Variants in LNPEP observed in about 807,000 individuals in gnomAD.
LNPEP encodes the protein leucyl-cystinyl aminopeptidase.
A neutral mutation model predicts 120.6 loss-of-function variants in LNPEP; 64 were observed. The observed-to-expected ratio is 0.53, with a 90% confidence interval of 0.43 to 0.65. LNPEP has a LOEUF of 0.65. LNPEP is among the 30% of genes least tolerant of loss of function. LNPEP has a pLI of 0.00. For synonymous variants in LNPEP, 435 were observed against 425.4 expected, an observed-to-expected ratio of 1.02 and a Z score of -0.28; for missense variants, 1,057 against 1,200.0, an observed-to-expected ratio of 0.88 and a Z score of 1.76.
chr5:97,008,700 T>C (rs950943495), intron 11 of LNPEP, among the ~76,000 whole-genome samples: 2 of 137,188 alleles, frequency 1.5e-5, no homozygotes, highest in Non-Finnish European at 3.1e-5. Flanking sequence ...AGTCTCGCTC[T>C]GTTGCCCAGG....
intron 1 of LNPEP, among the ~76,000 whole-genome samples, chr5:96,957,120 G>A (rs1789488186): frequency 1.3e-5 from 2 of 152,146 alleles, no homozygotes; most frequent in South Asian, 4.1e-4. Flanking sequence ...TCTGGTGATT[G>A]CGTTTTCCAT....
chr5:97,018,363 CT>C (rs1791114573), intron 13 of LNPEP, among the ~76,000 whole-genome samples: 1 of 152,016 alleles, frequency 6.6e-6, no homozygotes, highest in Non-Finnish European at 1.5e-5. Flanking sequence ...ATACTTACCT[CT>C]TCTTTGAACT....
chr5:96,940,514 AGTT>A (rs1459528902), intron 1 of LNPEP, among the ~76,000 whole-genome samples: 2 of 152,100 alleles, frequency 1.3e-5, no homozygotes, highest in Non-Finnish European at 2.9e-5. Flanking sequence ...AGAAGAACCT[AGTT>A]TTGTTGTCAT....
At chr5:96,945,138 T>C (rs943179990) in intron 1 of LNPEP, among the ~76,000 whole-genome samples, 2 of 152,008 alleles carry the variant, frequency 1.3e-5, no homozygotes, top group Admixed American at 1.3e-4. Flanking sequence ...GGCTCACACC[T>C]GTAATCCTAG....
chr5:97,025,283 G>A (rs564458323), intron 15 of LNPEP, among the ~76,000 whole-genome samples: 6 of 152,258 alleles, frequency 3.9e-5, no homozygotes, highest in Admixed American at 2.0e-4. Flanking sequence ...GTTAGAAGTC[G>A]CACTGAGGAT....
intron 1 of LNPEP, among the ~76,000 whole-genome samples, chr5:96,946,393 G>A (rs1461076906): frequency 6.6e-6 from 1 of 152,194 alleles, no homozygotes; most frequent in Admixed American, 6.5e-5. Flanking sequence ...GTGACTTGGG[G>A]ATTAGATAAT....
In LNPEP at chr5:96,996,358, T is replaced by G. The variant is rs779053105; in HGVS notation, c.1408-32T>G. The stretch of plus-strand genomic sequence containing the variant: ...TAAAAAATTCCTGAGGCTGTAAATA[T>G]CCTGTGGGTTAATTGTTTTCTCTCC... On this transcript the variant is annotated intron_variant, in intron 6 of 17. Coordinates refer to ENST00000231368, the MANE Select transcript of LNPEP (RefSeq NM_005575.3). 1.5e-5 allele frequency: 18 copies of G among 1,196,292 alleles called. No individual in the cohort carries two copies. The Middle Eastern group carries it at 2.7e-3, about 177-fold the overall frequency. The allele number at this position is 1,196,292 out of a possible 1,614,324, so 74.1% of individuals were successfully genotyped here. A position where few individuals can be genotyped will look rare whatever the true frequency, so the allele number is the denominator to read the frequency against.
At chr5:96,943,820 A>T (rs1003145033) in intron 1 of LNPEP, among the ~76,000 whole-genome samples, 1 of 152,214 alleles carries the variant, frequency 6.6e-6, no homozygotes, top group Non-Finnish European at 1.5e-5. Context: ...CTTCTAATAC[A>T]TATTGCTTAA....
At chr5:96,966,338 A>T (rs992744542) in intron 1 of LNPEP, among the ~76,000 whole-genome samples, 10 of 151,972 alleles carry the variant, frequency 6.6e-5, no homozygotes, top group African/African-American at 1.5e-4. Context: ...CTCTACAAAA[A>T]TTTTTTTAAA....
At chr5:96,975,592 G>A (rs139648088) in intron 1 of LNPEP, among the ~76,000 whole-genome samples, 173 of 152,132 alleles carry the variant, frequency 1.1e-3, no homozygotes, top group African/African-American at 3.8e-3. Context: ...CTGAGCTGAA[G>A]AACCAGGGTT....
intron 1 of LNPEP, among the ~76,000 whole-genome samples, chr5:96,945,972 A>C (rs1294694946): frequency 6.6e-6 from 1 of 151,752 alleles, no homozygotes; most frequent in East Asian, 1.9e-4. Context: ...GAAGACAGAA[A>C]GAATGTAATA....
In LNPEP at chr5:97,013,120, G is replaced by A. The variant is rs533645248; in HGVS notation, c.2036-528G>A. Among the ~76,000 whole-genome samples the A allele has an allele frequency of 3.3e-5, 5 of 152,070 alleles. No homozygotes were observed. In the South Asian group the frequency reaches 1.0e-3, roughly 32 times the overall value. Reference sequence around the variant, plus strand: ...GAACTTGGGAGCCAGTTCAGTGCATGGATAACATGTATACTTTCTCTCTGG... The same window carrying A: ...GAACTTGGGAGCCAGTTCAGTGCATAGATAACATGTATACTTTCTCTCTGG... On this transcript the variant is annotated intron_variant, in intron 11 of 17. Coordinates refer to ENST00000231368, the MANE Select transcript of LNPEP (RefSeq NM_005575.3).
intron 1 of LNPEP, among the ~76,000 whole-genome samples, chr5:96,977,221 T>C (rs1790019165): frequency 6.6e-6 from 1 of 151,964 alleles, no homozygotes; most frequent in Non-Finnish European, 1.5e-5. Flanking sequence ...TTTTTAAAGG[T>C]AATAAAGACA....
Position 96,998,080 on chromosome 5 carries a change from A to G in LNPEP, c.1588A>G (p.Ile530Val), listed in dbSNP as rs201472422. The change falls in exon 8 of 18, where the codon ATA becomes GTA. Residue 530 changes from isoleucine (I) to valine (V), a missense_variant. Coordinates refer to ENST00000231368, the MANE Select transcript of LNPEP (RefSeq NM_005575.3). ...AGATTCCTTAAATTCATCTCATCCAATATCATCATCTGTTCAGTCTTCAGA... is the reference window on the plus strand; with the variant it reads ...AGATTCCTTAAATTCATCTCATCCAGTATCATCATCTGTTCAGTCTTCAGA... ...KKDSLNSSHP[I>V]SSSVQSSEQI... is the part of the protein sequence containing the mutation. 5.7e-6 allele frequency: 9 copies of G among 1,585,292 alleles called. No individual in the cohort carries two copies. In the African/African-American group the frequency reaches 9.4e-5, roughly 17 times the overall value.
chr5:96,999,207 T>C (rs966571540), intron 8 of LNPEP, among the ~76,000 whole-genome samples: 2 of 152,172 alleles, frequency 1.3e-5, no homozygotes, highest in Non-Finnish European at 2.9e-5. Flanking sequence ...TTGGTTTCAG[T>C]TTATAAAGTA....
chr5:96,993,523 T>G (rs552708391), intron 5 of LNPEP, among the ~76,000 whole-genome samples: 1 of 152,302 alleles, frequency 6.6e-6, no homozygotes, highest in South Asian at 2.1e-4. Context: ...AGTAGAGTAT[T>G]GGCCGTGAAC....
chr5:97,022,279 TA>T lies in LNPEP; in HGVS notation c.2377-19del. 1 of 1,392,738 alleles carries T rather than the reference TA, an allele frequency of 7.2e-7. No individual in the cohort carries two copies. The highest frequency in any genetic ancestry group is 1.0e-6 in the Non-Finnish European group (1 of 1,002,368). 86.3% of individuals were successfully genotyped at this position (1,392,738 alleles called of 1,614,324 possible). ...TGTCCTAATTATTATGAAGCCATTA[TA>T]ATCTATTTTGTCTCTCTAGACTAGG... On this transcript the variant is annotated intron_variant, in intron 13 of 17. Coordinates refer to ENST00000231368, the MANE Select transcript of LNPEP (RefSeq NM_005575.3).
intron 1 of LNPEP, chr5:96,937,471 G>A (rs1455494185): frequency 6.6e-6 from 1 of 152,160 alleles, no homozygotes; most frequent in Admixed American, 6.5e-5. Flanking sequence ...GAATAGTCTG[G>A]TGAAGTTACT....
rs368233016 is a variant in LNPEP, at chr5:96,991,235, C to T, written c.1132-1780C>T. Among the ~76,000 whole-genome samples, 24 of 152,244 alleles carry T rather than the reference C, an allele frequency of 1.6e-4. No homozygotes were observed. The East Asian group carries it at 3.7e-3, about 23-fold the overall frequency. On this transcript the variant is annotated intron_variant, in intron 4 of 17. Transcript: ENST00000231368. ...ATTCCATCCAGGTTGCTGCGATTGC[C>T]ATTATTTCATTCCTTTCTATGGCTG...
Sources: gnomAD v4.1 joint callset for allele counts (sites outside exome capture counted in the v4.1 genomes callset) on GRCh38, gnomAD v4.1.1 for gene constraint, MANE v1.5 for transcripts, NCBI Gene and HGNC (gene_info 2026-07-23, HGNC 2026-07-21) for gene names.